Variants in CAMK2B observed in about 807,000 individuals in gnomAD.
CAMK2B encodes the protein calcium/calmodulin dependent protein kinase II beta.
A neutral mutation model predicts 93.7 loss-of-function variants in CAMK2B; 27 were observed. The ratio of observed to expected loss-of-function variants is 0.29; its 90% CI spans 0.21 to 0.40. The LOEUF is 0.40. Ranked by LOEUF, CAMK2B falls within the 10% of genes least tolerant of loss-of-function variation. The probability of loss-of-function intolerance (pLI) is 1.00; values close to 1 mark genes in which losing one functional copy is unlikely to be tolerated. For synonymous variants in CAMK2B, 374 were observed against 358.8 expected (o/e 1.04, Z -0.48); for missense variants, 568 against 895.8 (o/e 0.63, Z 4.67).
intron 5 of CAMK2B, among the ~76,000 whole-genome samples, chr7:44,249,764 G>A (rs139827600): frequency 9.2e-5 from 14 of 152,196 alleles, no homozygotes; most frequent in African/African-American, 3.4e-4. Flanking sequence ...CTTCCTCATC[G>A]ACCTTCTTTC....
intron 12 of CAMK2B, 82 bp from the exon 13 acceptor site, chr7:44,239,745 G>C: frequency 1.0e-6 from 1 of 959,308 alleles, no homozygotes; most frequent in East Asian, 2.6e-5. Flanking sequence ...GGGAAGAAAA[G>C]AGACAAAGGA....
At chr7:44,323,923 T>C (rs2116696594) in intron 1 of CAMK2B, 1 of 160,678 alleles carries the variant, frequency 6.2e-6, no homozygotes, top group South Asian at 1.5e-4. Flanking sequence ...GGGATCCGCA[T>C]GAAGGGGGCT....
chr7:44,307,758 G>A (rs867948150), intron 1 of CAMK2B, among the ~76,000 whole-genome samples: 13 of 152,260 alleles, frequency 8.5e-5, no homozygotes, highest in South Asian at 4.1e-4. Context: ...TGAGGGGAAC[G>A]CTGAGAGCTG....
chr7:44,233,483 G>C (rs559749943), intron 15 of CAMK2B, among the ~76,000 whole-genome samples: 1 of 152,134 alleles, frequency 6.6e-6, no homozygotes, highest in Non-Finnish European at 1.5e-5. Flanking sequence ...CAGTATTCCC[G>C]TGGGCGGTCT....
Position 44,312,391 on chromosome 7 carries a change from GC to G in CAMK2B, c.65+12965del, listed in dbSNP as rs1793783966. ...GAACGGCCTTCAGAGCTAGGGACAA[GC>G]CACCGAGTACCTGGGAGGGCAGGAG... is the stretch of plus-strand genomic sequence containing the variant. On this transcript the variant is annotated intron_variant, in intron 1 of 23. Transcript: ENST00000395749. This position sits in a 1 kb window ranked among gnomAD's most constrained non-coding sequence, Gnocchi z 4.1. 6.6e-6 allele frequency among the ~76,000 whole-genome samples: 1 copy of G among 152,214 alleles called. No homozygotes were observed. The highest frequency in any genetic ancestry group is 1.5e-5 in the Non-Finnish European group (1 of 68,032).
At chr7:44,221,526 C>T (rs1371176150) in intron 20 of CAMK2B, among the ~76,000 whole-genome samples, 4 of 149,784 alleles carry the variant, frequency 2.7e-5, no homozygotes, top group Non-Finnish European at 4.4e-5. Flanking sequence ...TTCCCCGGAG[C>T]GATGACCAGG....
Position 44,237,010 on chromosome 7 carries a change from C to T in CAMK2B, c.1022-2334G>A, listed in dbSNP as rs373729650. ...AAAAGCTGTGGCCAACTGAAGCAGG[C>T]GGTTTCAGAAGGCTAGTTCCACCCC... On this transcript the variant is annotated intron_variant, in intron 13 of 23. Transcript: ENST00000395749. Among the ~76,000 whole-genome samples, 26 of 152,344 alleles carry T rather than the reference C, an allele frequency of 1.7e-4. No individual in the cohort carries two copies. The East Asian group carries it at 3.5e-3, about 20-fold the overall frequency.
chr7:44,283,813 G>A (rs1363629393), intron 2 of CAMK2B, among the ~76,000 whole-genome samples: 1 of 152,246 alleles, frequency 6.6e-6, no homozygotes, highest in African/African-American at 2.4e-5. Flanking sequence ...CACGGGATGG[G>A]GAGGTGAAAG....
Position 44,219,075 on chromosome 7 carries a change from A to G in CAMK2B, c.*450T>C, listed in dbSNP as rs964569414. The G allele has an allele frequency of 7.2e-5, 11 of 152,312 alleles. No individual in the cohort carries two copies. The highest frequency in any genetic ancestry group is 7.2e-4 in the Admixed American group (11 of 15,292). The allele number at this position is 152,312 out of a possible 1,614,324, so 9.4% of individuals were successfully genotyped here. On this transcript the variant is annotated 3_prime_UTR_variant, in exon 24 of 24. Coordinates refer to ENST00000395749, the MANE Select transcript of CAMK2B (RefSeq NM_001220.5). The stretch of plus-strand genomic sequence containing the variant: ...CACGTGGAGCCCATGCGTTGGCAGG[A>G]GGATGCAGACACCTTAGGTGTGGGG...
rs1299962986 is a variant in CAMK2B, at chr7:44,217,663, T to C, written c.*1862A>G. 6.6e-6 allele frequency: 1 copy of C among 152,260 alleles called. No individual in the cohort carries two copies. Among genetic ancestry groups the C allele is most frequent in the Non-Finnish European group, 1.5e-5 (1 of 68,068 alleles). 9.4% of individuals were successfully genotyped at this position (152,260 alleles called of 1,614,324 possible). A position where few individuals can be genotyped will look rare whatever the true frequency, so the allele number is the denominator to read the frequency against. On this transcript the variant is annotated 3_prime_UTR_variant, in exon 24 of 24. Coordinates refer to ENST00000395749, the MANE Select transcript of CAMK2B (RefSeq NM_001220.5). ...GACGGAAGATGGTGTCCACTCTGAG[T>C]GTTCATCGGTGGACAGTCCCCTTGG...
rs1003170508 is a variant in CAMK2B at position 44,286,633 on chromosome 7, G to A, written c.66-2408C>T. Among the ~76,000 whole-genome samples the A allele has an allele frequency of 2.0e-5, 3 of 152,218 alleles. No individual in the cohort carries two copies. The highest frequency in any genetic ancestry group is 4.4e-5 in the Non-Finnish European group (3 of 68,034). On this transcript the variant is annotated intron_variant, in intron 1 of 23. Coordinates refer to ENST00000395749, the MANE Select transcript of CAMK2B (RefSeq NM_001220.5). This position sits in a 1 kb window ranked among gnomAD's most constrained non-coding sequence, Gnocchi z 4.0. ...CAAGAGCCTGACCGCAGGTGGGTGGGACAAGGGCTTCCTCCAGTTGATCCC... is the reference window on the plus strand; with the variant it reads ...CAAGAGCCTGACCGCAGGTGGGTGGAACAAGGGCTTCCTCCAGTTGATCCC...
intron 4 of CAMK2B, among the ~76,000 whole-genome samples, chr7:44,258,625 G>T (rs539701627): frequency 6.6e-6 from 1 of 152,348 alleles, no homozygotes; most frequent in South Asian, 2.1e-4. Flanking sequence ...GTGGAGGAGA[G>T]GGGGAGTCCA....
chr7:44,245,407 C>T (rs1243630638), intron 6 of CAMK2B, among the ~76,000 whole-genome samples: 2 of 152,196 alleles, frequency 1.3e-5, no homozygotes, highest in African/African-American at 4.8e-5. Flanking sequence ...ACATCCTGTC[C>T]CCCTCAACAG....
In CAMK2B at chr7:44,263,312, C is replaced by T. The variant is rs547950961; in HGVS notation, c.161-248G>A. On this transcript the variant is annotated intron_variant, in intron 2 of 23. Coordinates refer to ENST00000395749, the MANE Select transcript of CAMK2B (RefSeq NM_001220.5). ...ATTCGGGTAGTGAGCGCTGCTAACT[C>T]GGGGCTAAAAGTTTCCCTGGATGAT... 1.4e-4 allele frequency among the ~76,000 whole-genome samples: 21 copies of T among 152,342 alleles called. No homozygotes were observed. The South Asian group carries it at 1.7e-3, about 12-fold the overall frequency.
chr7:44,240,634 G>A (rs1484692212), intron 12 of CAMK2B, 73 bp downstream of exon 12: 17 of 1,528,192 alleles, frequency 1.1e-5, no homozygotes, highest in Non-Finnish European at 1.4e-5. Context: ...AGGCTGGTGA[G>A]GAAGGAGGCG....
At chr7:44,265,180 CCT>C (rs1458532143) in intron 2 of CAMK2B, among the ~76,000 whole-genome samples, 2 of 152,222 alleles carry the variant, frequency 1.3e-5, no homozygotes, top group African/African-American at 2.4e-5. Context: ...CTGCCCCGCC[CCT>C]GCTTCCATAT....
chr7:44,276,635 G>C (rs1246856585), intron 2 of CAMK2B, among the ~76,000 whole-genome samples: 2 of 152,188 alleles, frequency 1.3e-5, no homozygotes, highest in Non-Finnish European at 2.9e-5. Flanking sequence ...GCCCCAGAAA[G>C]GGAGCTGGGG....
Position 44,296,024 on chromosome 7 carries a change from C to T in CAMK2B, c.66-11799G>A, listed in dbSNP as rs544240069. Reference sequence around the variant, plus strand: ...ATTACTGAAGGCCAGTTCACCACATCGCTTTTACCCGGTACATCATGTCCA... The same window carrying T: ...ATTACTGAAGGCCAGTTCACCACATTGCTTTTACCCGGTACATCATGTCCA... On this transcript the variant is annotated intron_variant, in intron 1 of 23. Transcript: ENST00000395749. 1.5e-4 allele frequency among the ~76,000 whole-genome samples: 23 copies of T among 152,246 alleles called. No homozygotes were observed. The South Asian group carries it at 3.7e-3, about 25-fold the overall frequency.
intron 2 of CAMK2B, among the ~76,000 whole-genome samples, chr7:44,267,608 C>A (rs569530826): frequency 6.6e-6 from 1 of 152,100 alleles, no homozygotes; most frequent in Admixed American, 6.5e-5. Context: ...TCTACACATG[C>A]GCACACGTGT....
Sources: allele counts gnomAD v4.1 joint callset (sites outside exome capture counted in the v4.1 genomes callset), GRCh38; gene constraint gnomAD v4.1.1; non-coding constraint Gnocchi (gnomAD v3.1); transcripts MANE v1.5; gene names NCBI Gene and HGNC (gene_info 2026-07-23, HGNC 2026-07-21).